Variants in PTPRM observed in about 807,000 individuals in gnomAD.
PTPRM encodes the protein protein tyrosine phosphatase receptor type M, also known as receptor-type tyrosine-protein phosphatase mu.
Under a neutral mutation model 186.7 loss-of-function variants are expected in PTPRM, and 47 were observed. That is an observed-to-expected ratio of 0.25 (90% confidence interval 0.20 to 0.32). The LOEUF (loss-of-function observed/expected upper bound fraction) is 0.32, where lower values mean the gene tolerates loss of function less well. Among genes scored for constraint, PTPRM ranks in the 10% least tolerant of loss-of-function variants. The pLI is 1.00. For missense variants in PTPRM, 1,494 were observed against 1,865.0 expected (o/e 0.80, Z 3.66); for synonymous variants, 668 against 674.9 (o/e 0.99, Z 0.16).
intron 7 of PTPRM, among the ~76,000 whole-genome samples, chr18:8,010,763 A>T (rs973817153): frequency 6.6e-6 from 1 of 152,166 alleles, no homozygotes; most frequent in Admixed American, 6.6e-5. Context: ...GGTGTCTTTG[A>T]AAACCACAGG....
At chr18:8,102,980 T>C (rs564867838) in intron 11 of PTPRM, among the ~76,000 whole-genome samples, 6 of 152,334 alleles carry the variant, frequency 3.9e-5, no homozygotes, top group African/African-American at 1.4e-4. Context: ...TCAGAGCTCA[T>C]GGGTGATCAA....
At chr18:8,259,489 C>G in intron 19 of PTPRM, among the ~76,000 whole-genome samples, 1 of 138,286 alleles carries the variant, frequency 7.2e-6, no homozygotes, top group Admixed American at 7.6e-5. Flanking sequence ...AGTTGTATAT[C>G]CCCCCACCTC....
At chr18:8,033,692 C>G (rs2086144864) in intron 7 of PTPRM, among the ~76,000 whole-genome samples, 1 of 152,208 alleles carries the variant, frequency 6.6e-6, no homozygotes, top group Admixed American at 6.5e-5. Flanking sequence ...TCTGGGGCAT[C>G]ACTGTATAGA....
chr18:8,153,007 C>T (rs1169538630), intron 14 of PTPRM, among the ~76,000 whole-genome samples: 6 of 152,100 alleles, frequency 3.9e-5, no homozygotes, highest in African/African-American at 1.2e-4. Context: ...TGAGCCACTG[C>T]GCCTGGCCTT....
At chr18:7,592,690 T>C (rs2143646404) in intron 1 of PTPRM, among the ~76,000 whole-genome samples, 1 of 152,252 alleles carries the variant, frequency 6.6e-6, no homozygotes, top group Admixed American at 6.5e-5. Flanking sequence ...GTCCTAGAAT[T>C]GGGAGGGTAA....
At chr18:7,833,504 T>G (rs1173222285) in intron 2 of PTPRM, among the ~76,000 whole-genome samples, 1 of 152,154 alleles carries the variant, frequency 6.6e-6, no homozygotes. Context: ...GAGGCCAACG[T>G]GGGCAGATCA....
At chr18:7,933,972 A>G (rs2051642300) in intron 5 of PTPRM, among the ~76,000 whole-genome samples, 1 of 152,178 alleles carries the variant, frequency 6.6e-6, no homozygotes, top group Admixed American at 6.5e-5. Context: ...CATTTCTTGT[A>G]CCCTTTGCCT....
At chr18:7,933,477 G>A (rs1007631770) in intron 5 of PTPRM, among the ~76,000 whole-genome samples, 1 of 151,396 alleles carries the variant, frequency 6.6e-6, no homozygotes. Flanking sequence ...GTTTGTGTGT[G>A]CAAGACATGA....
chr18:8,146,935 G>A (rs1191973631), intron 14 of PTPRM, among the ~76,000 whole-genome samples: 2 of 152,122 alleles, frequency 1.3e-5, no homozygotes, highest in African/African-American at 2.4e-5. Flanking sequence ...GTTTTTGTCA[G>A]GTTTGGCAAA....
intron 7 of PTPRM, among the ~76,000 whole-genome samples, chr18:7,994,265 A>ACACACACACACACAC (rs145006322): frequency 1.3e-5 from 2 of 148,906 alleles, no homozygotes; most frequent in African/African-American, 4.9e-5. Context: ...GGATATAAAT[A>ACACACACACACACAC]ACACACACAC....
intron 20 of PTPRM, among the ~76,000 whole-genome samples, chr18:8,299,128 C>T (rs1295897593): frequency 6.6e-6 from 1 of 152,120 alleles, no homozygotes; most frequent in Non-Finnish European, 1.5e-5. Flanking sequence ...CTCCAGAGAT[C>T]CTGCCCATTT....
chr18:7,857,111 G>A (rs763310045), intron 2 of PTPRM, among the ~76,000 whole-genome samples: 1 of 152,068 alleles, frequency 6.6e-6, no homozygotes, highest in Non-Finnish European at 1.5e-5. Flanking sequence ...ATGAGTTTCT[G>A]GCTTTTCTCT....
intron 1 of PTPRM, among the ~76,000 whole-genome samples, chr18:7,584,399 A>G (rs1003665072): frequency 6.6e-6 from 1 of 152,200 alleles, no homozygotes; most frequent in Non-Finnish European, 1.5e-5. Context: ...ACTGGGCTTT[A>G]GGAGATCTGA....
intron 14 of PTPRM, among the ~76,000 whole-genome samples, chr18:8,224,106 G>A (rs887547581): frequency 1.3e-5 from 2 of 152,300 alleles, no homozygotes; most frequent in African/African-American, 4.8e-5. Flanking sequence ...CAGATAAGCA[G>A]ATGGCTTCTT....
intron 1 of PTPRM, among the ~76,000 whole-genome samples, chr18:7,596,413 A>T (rs931697645): frequency 6.6e-6 from 1 of 152,168 alleles, no homozygotes; most frequent in Non-Finnish European, 1.5e-5. Context: ...ACCTGACTTC[A>T]TCTTATCCCA....
At chr18:8,361,299 C>G (rs2095595874) in intron 23 of PTPRM, among the ~76,000 whole-genome samples, 1 of 152,150 alleles carries the variant, frequency 6.6e-6, no homozygotes, top group South Asian at 2.1e-4. Flanking sequence ...AATACTGATA[C>G]AGACCATAAA....
chr18:7,813,508 G>C (rs2044640079), intron 2 of PTPRM, among the ~76,000 whole-genome samples: 1 of 152,116 alleles, frequency 6.6e-6, no homozygotes, highest in South Asian at 2.1e-4. Context: ...CAGAGGACCT[G>C]GCTCCAGGGC....
rs369730249 is a variant in PTPRM at position 8,247,828 on chromosome 18, C to T, written c.2453-17C>T. On this transcript the variant is annotated splice_polypyrimidine_tract_variant and intron_variant, in intron 15 of 32. Coordinates refer to ENST00000580170, the MANE Select transcript of PTPRM (RefSeq NM_001105244.2). ...TACCTCTCTGCTGCCCCTGACCAGC[C>T]TCTCTTTTATTTACAGCTGTGTCTT... 1.3e-4 allele frequency: 204 copies of T among 1,567,414 alleles called. No homozygotes were observed. Among genetic ancestry groups the T allele is most frequent in the Non-Finnish European group, 1.6e-4 (185 of 1,137,768 alleles).
At chr18:7,941,986 TA>T (rs2052205905) in intron 5 of PTPRM, among the ~76,000 whole-genome samples, 1 of 152,102 alleles carries the variant, frequency 6.6e-6, no homozygotes, top group Non-Finnish European at 1.5e-5. Flanking sequence ...GATAAACACA[TA>T]AAAAATTATT....
Sources: gnomAD v4.1 joint callset for allele counts (sites outside exome capture counted in the v4.1 genomes callset) on GRCh38, gnomAD v4.1.1 for gene constraint, MANE v1.5 for transcripts, NCBI Gene and HGNC (gene_info 2026-07-23, HGNC 2026-07-21) for gene names.